The following ZNF284 variants were observed in gnomAD, a reference collection of about 807,000 sequenced individuals.
ZNF284 encodes the protein zinc finger protein 284.
Under a neutral mutation model 12.9 loss-of-function variants are expected in ZNF284, and 12 were observed. The ratio of observed to expected loss-of-function variants is 0.93; its 90% CI spans 0.60 to 1.51. The LOEUF is 1.51. ZNF284 is among the 40% of genes most tolerant of loss of function. The pLI, the probability that ZNF284 is intolerant of heterozygous loss-of-function variation, is 0.00. For missense variants in ZNF284, 667 were observed against 707.3 expected (o/e 0.94, Z 0.65); for synonymous variants, 225 against 236.5 (o/e 0.95, Z 0.45).
At position 44,089,430 on chromosome 19, in the gene ZNF284, T is replaced by C. The variant is rs2147515327; in HGVS notation, c.*2170T>C. ...ATTGGACAGCATAAAAATATTGGCATAAAGATGAACATAACATAAGCAGGA... is the reference window on the plus strand; with the variant it reads ...ATTGGACAGCATAAAAATATTGGCACAAAGATGAACATAACATAAGCAGGA... On this transcript the variant is annotated 3_prime_UTR_variant, in exon 5 of 5. Transcript: ENST00000421176. 1 of 152,220 alleles carries C rather than the reference T, an allele frequency of 6.6e-6. No individual in the cohort carries two copies. The highest frequency in any genetic ancestry group is 2.1e-4 in the South Asian group (1 of 4,810). The allele number at this position is 152,220 out of a possible 1,614,324, so 9.4% of individuals were successfully genotyped here. A position where few individuals can be genotyped will look rare whatever the true frequency, so the allele number is the denominator to read the frequency against.
chr19:44,073,545 A>AT (rs11331410), intron 1 of ZNF284, among the ~76,000 whole-genome samples: 5,358 of 140,362 alleles, frequency 0.038, 190 homozygotes, highest in African/African-American at 0.098. Flanking sequence ...CTTCGAGTGC[A>AT]TTTTTTTTTT....
rs1017658962 is a variant in ZNF284 at position 44,089,142 on chromosome 19, A to T, written c.*1882A>T. The T allele has an allele frequency of 6.6e-6, 1 of 151,466 alleles. No homozygotes were observed. Among genetic ancestry groups the T allele is most frequent in the African/African-American group, 2.4e-5 (1 of 41,138 alleles). The allele number at this position is 151,466 out of a possible 1,614,324, so 9.4% of individuals were successfully genotyped here. A position where few individuals can be genotyped will look rare whatever the true frequency, so the allele number is the denominator to read the frequency against. On this transcript the variant is annotated 3_prime_UTR_variant, in exon 5 of 5. Coordinates refer to ENST00000421176, the MANE Select transcript of ZNF284 (RefSeq NM_001037813.4). ...TGTTTTGTTTTGTTTTGTTTTTGAG[A>T]TGGGGTCTCTCGGTGTTGCCCAGGC... is the stretch of plus-strand genomic sequence containing the variant.
intron 4 of ZNF284, 102 bp from the exon 5 acceptor site, chr19:44,085,612 C>G: frequency 9.3e-7 from 1 of 1,073,176 alleles, no homozygotes; most frequent in Non-Finnish European, 1.4e-6. Flanking sequence ...ACTGTACCTT[C>G]CTTGTATTCA....
At position 44,085,693 on chromosome 19, in the gene ZNF284, C is replaced by G; in HGVS notation, c.236-21C>G. 4.4e-6 allele frequency: 7 copies of G among 1,585,768 alleles called. No homozygotes were observed. The South Asian group carries it at 8.2e-5, about 19-fold the overall frequency. Reference sequence around the variant, plus strand: ...ACAAAGGTTTCACTTACCCACATCTCTTAATTCTGTGTCCTTATAGGAGGC... The same window carrying G: ...ACAAAGGTTTCACTTACCCACATCTGTTAATTCTGTGTCCTTATAGGAGGC... On this transcript the variant is annotated intron_variant, in intron 4 of 4. Coordinates refer to ENST00000421176, the MANE Select transcript of ZNF284 (RefSeq NM_001037813.4).
chr19:44,082,755 C>T (rs1445199449), intron 4 of ZNF284, among the ~76,000 whole-genome samples: 2 of 152,056 alleles, frequency 1.3e-5, no homozygotes, highest in Non-Finnish European at 2.9e-5. Flanking sequence ...TACATTGCAT[C>T]TCTAACCATT....
intron 2 of ZNF284, among the ~76,000 whole-genome samples, chr19:44,077,196 G>C (rs80003785): frequency 6.6e-6 from 1 of 152,176 alleles, no homozygotes; most frequent in African/African-American, 2.4e-5. Context: ...CATGTGCCAC[G>C]TTGGTTGTTT....
intron 4 of ZNF284, among the ~76,000 whole-genome samples, chr19:44,084,830 A>G (rs1191437093): frequency 6.6e-6 from 1 of 152,098 alleles, no homozygotes; most frequent in Non-Finnish European, 1.5e-5. Context: ...TGCAGCTCTC[A>G]AAATAGCGCT....
At chr19:44,080,376 C>A (rs535594449) in intron 2 of ZNF284, among the ~76,000 whole-genome samples, 1 of 152,154 alleles carries the variant, frequency 6.6e-6, no homozygotes, top group Non-Finnish European at 1.5e-5. Context: ...GCCGGCAAAT[C>A]GCCTGAGGTC....
chr19:44,079,558 C>T (rs1967085233), intron 2 of ZNF284, among the ~76,000 whole-genome samples: 1 of 151,896 alleles, frequency 6.6e-6, no homozygotes, highest in Non-Finnish European at 1.5e-5. Flanking sequence ...AAATACAAAA[C>T]ATTAGCCGGG....
intron 4 of ZNF284, among the ~76,000 whole-genome samples, chr19:44,083,474 T>TATATATATAGAG (rs746837013): frequency 2.2e-4 from 14 of 64,918 alleles, no homozygotes; most frequent in African/African-American, 6.4e-4. Flanking sequence ...TATATATATA[T>TATATATATAGAG]AGAGAGAGAG....
At position 44,082,035 on chromosome 19, in the gene ZNF284, T is replaced by A; in HGVS notation, c.165T>A (p.Asp55Glu). 1 of 1,613,966 alleles carries A rather than the reference T, an allele frequency of 6.2e-7. No homozygotes were observed. The highest frequency in any genetic ancestry group is 1.7e-5 in the Admixed American group (1 of 60,020). ...CAGGGCATCAACTTTCCCACCGAGA[T>A]ACTTTTCACTTCCAAAGAGAAGAAA... ...LSVGHQLSHR[D>E]TFHFQREEKF... is the part of the protein sequence containing the mutation. The change falls in exon 4 of 5, where the codon GAT (aspartate) becomes GAA (glutamate). Residue 55 changes from aspartate to glutamate, a missense_variant. Transcript: ENST00000421176.
intron 4 of ZNF284, among the ~76,000 whole-genome samples, chr19:44,082,654 T>G (rs777457719): frequency 2.0e-5 from 3 of 152,194 alleles, no homozygotes; most frequent in Non-Finnish European, 2.9e-5. Context: ...TAGATGTTCT[T>G]GGGGAGAAGC....
At chr19:44,081,253 G>T in intron 3 of ZNF284, 112 bp downstream of exon 3, 1 of 1,287,488 alleles carries the variant, frequency 7.8e-7, no homozygotes, top group Non-Finnish European at 1.0e-6. Context: ...ACCCAAGACT[G>T]GGTAATTTAT....
intron 4 of ZNF284, among the ~76,000 whole-genome samples, chr19:44,082,329 C>T (rs1422863863): frequency 6.6e-6 from 1 of 152,142 alleles, no homozygotes; most frequent in Non-Finnish European, 1.5e-5. Flanking sequence ...GTCAGATTGC[C>T]ATTCCTCAGC....
In ZNF284 at chr19:44,087,257, A is replaced by G. The variant is rs752008382; in HGVS notation, c.1779A>G (p.Ile593Met). Reference sequence around the variant, plus strand: ...TTTTATCATTATTTTTAAATGATATATAATTATTGTCCATATTTATGGGTT... The same window carrying G: ...TTTTATCATTATTTTTAAATGATATGTAATTATTGTCCATATTTATGGGTT... ...DMILSLFLNDI is the reference protein window; with the variant it reads ...DMILSLFLNDM The change falls in exon 5 of 5, where the codon ATA becomes ATG. Residue 593 changes from isoleucine to methionine, a missense_variant. Physicochemically the swap from Ile to Met is conservative, Grantham distance 10. Transcript: ENST00000421176. 1.3e-6 allele frequency: 2 copies of G among 1,529,546 alleles called. No individual in the cohort carries two copies. Among genetic ancestry groups the G allele is most frequent in the Non-Finnish European group, 1.8e-6 (2 of 1,135,830 alleles). The allele number at this position is 1,529,546 out of a possible 1,614,324, so 94.7% of individuals were successfully genotyped here.
Position 44,083,504 on chromosome 19 carries a change from G to GTATATATATAT in ZNF284, c.235+1399_235+1400insTATATATATAT, listed in dbSNP as rs1568522612. ...AGAGAGAGAGAGAGAGAGAGAGAGGGAATGGAATACCATCCTATCTTTACC... is the reference window on the plus strand; with the variant it reads ...AGAGAGAGAGAGAGAGAGAGAGAGGGTATATATATATAATGGAATACCATCCTATCTTTACC... On this transcript the variant is annotated intron_variant, in intron 4 of 4. Transcript: ENST00000421176. 3.4e-5 allele frequency among the ~76,000 whole-genome samples: 3 copies of GTATATATATAT among 88,102 alleles called. 1 individual carries two copies. The highest frequency in any genetic ancestry group is 8.1e-5 in the Non-Finnish European group (3 of 37,060). 57.8% of individuals were successfully genotyped at this position (88,102 alleles called of 152,430 possible).
chr19:44,076,561 G>T (rs1265886136), intron 2 of ZNF284, among the ~76,000 whole-genome samples, 157 bp downstream of exon 2: 1 of 152,032 alleles, frequency 6.6e-6, no homozygotes, highest in Non-Finnish European at 1.5e-5. Flanking sequence ...TGTTGAATTT[G>T]CGTTTGGATT....
At chr19:44,081,528 G>A (rs897528900) in intron 3 of ZNF284, among the ~76,000 whole-genome samples, 1 of 151,830 alleles carries the variant, frequency 6.6e-6, no homozygotes, top group Non-Finnish European at 1.5e-5. Context: ...TGGCTAACAC[G>A]GTGAAACCCC....
rs766874069 is a variant in ZNF284, at chr19:44,081,107, C to G, written c.108C>G (p.Val36=). ...DVSQRKLYRD[V]MLENFRNLLS... ...CCCAGAGGAAGCTGTATCGAGATGT[C>G]ATGCTGGAGAACTTCAGAAACCTGC... Residue 36 remains valine, a synonymous_variant, in exon 3 of 5, where the codon GTC becomes GTG. Coordinates refer to ENST00000421176, the MANE Select transcript of ZNF284 (RefSeq NM_001037813.4). 3 of 1,612,758 alleles carry G rather than the reference C, an allele frequency of 1.9e-6. No homozygotes were observed. Among genetic ancestry groups the G allele is most frequent in the Non-Finnish European group, 2.5e-6 (3 of 1,179,260 alleles).
Sources: allele counts gnomAD v4.1 joint callset (sites outside exome capture counted in the v4.1 genomes callset), GRCh38; gene constraint gnomAD v4.1.1; transcripts MANE v1.5; gene names NCBI Gene and HGNC (gene_info 2026-07-23, HGNC 2026-07-21).